The following ELMO1 variants were observed in gnomAD, a reference collection of about 807,000 sequenced individuals.
ELMO1 encodes engulfment and cell motility 1, also known as engulfment and cell motility protein 1.
Under a neutral mutation model 98.9 loss-of-function variants are expected in ELMO1, and 26 were observed. The observed-to-expected ratio is 0.26, with a 90% confidence interval of 0.19 to 0.36. ELMO1 has a LOEUF of 0.36. Among genes scored for constraint, ELMO1 ranks in the 10% least tolerant of loss-of-function variants. ELMO1 has a pLI of 1.00. For synonymous variants in ELMO1, 346 were observed against 346.0 expected (o/e 1.00, Z 0.00); for missense variants, 627 against 935.2 (o/e 0.67, Z 4.30).
At chr7:37,388,880 G>C (rs1802941542) in intron 1 of ELMO1, among the ~76,000 whole-genome samples, 1 of 152,148 alleles carries the variant, frequency 6.6e-6, no homozygotes, top group Non-Finnish European at 1.5e-5. Flanking sequence ...CAAGAGCTTT[G>C]GGAGGGATAG....
intron 16 of ELMO1, among the ~76,000 whole-genome samples, chr7:36,966,621 A>C (rs1160734898): frequency 6.6e-6 from 1 of 152,236 alleles, no homozygotes; most frequent in Non-Finnish European, 1.5e-5. Context: ...TGTTGATATT[A>C]ATATGAACTG....
In ELMO1 at chr7:37,343,755, G is replaced by A. The variant is rs564047284; in HGVS notation, c.-73-992C>T. On this transcript the variant is annotated intron_variant, in intron 1 of 21. Transcript: ENST00000310758. ...CTCCCAAAGTGCTGCGATTACAGGC[G>A]TGAGCCACCTGGCCCAGCCCCATTT... Among the ~76,000 whole-genome samples the A allele has an allele frequency of 4.9e-4, 75 of 152,198 alleles. 2 individuals are homozygous for A. In the South Asian group the frequency reaches 0.011, roughly 21 times the overall value.
chr7:36,892,742 A>G (rs575672087), intron 17 of ELMO1, among the ~76,000 whole-genome samples: 17 of 152,262 alleles, frequency 1.1e-4, no homozygotes, highest in African/African-American at 3.9e-4. Context: ...GGCTTCAGAG[A>G]CTGGGGTCAC....
chr7:37,217,313 G>C (rs114901715), intron 10 of ELMO1, among the ~76,000 whole-genome samples: 1,533 of 152,204 alleles, frequency 0.01, 29 homozygotes, highest in African/African-American at 0.035. Flanking sequence ...AGGATTCAAG[G>C]GTGATTTTAT....
intron 15 of ELMO1, among the ~76,000 whole-genome samples, chr7:37,072,726 G>A (rs1310150854): frequency 6.6e-6 from 1 of 152,166 alleles, no homozygotes. Context: ...GGAGGAGCCT[G>A]CAGTGAGGGG....
intron 15 of ELMO1, among the ~76,000 whole-genome samples, chr7:37,027,533 T>C (rs1306401942): frequency 6.6e-6 from 1 of 152,228 alleles, no homozygotes; most frequent in African/African-American, 2.4e-5. Context: ...GAATGATCCA[T>C]TGATAGTCAT....
At chr7:37,132,341 T>C (rs1786978453) in intron 14 of ELMO1, among the ~76,000 whole-genome samples, 1 of 152,214 alleles carries the variant, frequency 6.6e-6, no homozygotes, top group Non-Finnish European at 1.5e-5. Flanking sequence ...AGTCATCATT[T>C]TAACCACTCA....
At chr7:36,967,043 T>C (rs948530669) in intron 16 of ELMO1, among the ~76,000 whole-genome samples, 6 of 152,240 alleles carry the variant, frequency 3.9e-5, no homozygotes, top group Admixed American at 1.3e-4. Flanking sequence ...GCAGGTAGAA[T>C]AAAGTAGCAG....
chr7:37,330,127 TCTCA>T (rs1241176125), intron 2 of ELMO1, among the ~76,000 whole-genome samples: 2 of 152,234 alleles, frequency 1.3e-5, no homozygotes, highest in Admixed American at 6.5e-5. Context: ...CCCTGTTCTT[TCTCA>T]CTGTCAGATT....
chr7:37,119,624 T>C (rs537386690), intron 14 of ELMO1, among the ~76,000 whole-genome samples: 1 of 152,348 alleles, frequency 6.6e-6, no homozygotes, highest in Admixed American at 6.5e-5. Flanking sequence ...GTGGCTATAA[T>C]GAAACAATCT....
chr7:37,346,907 G>A (rs377435861), intron 1 of ELMO1, among the ~76,000 whole-genome samples: 1 of 152,252 alleles, frequency 6.6e-6, no homozygotes, highest in East Asian at 1.9e-4. Flanking sequence ...AAAACCTGTT[G>A]AACAGGTGAG....
intron 19 of ELMO1, among the ~76,000 whole-genome samples, chr7:36,876,307 CCTT>C (rs1463920062): frequency 6.6e-6 from 1 of 151,540 alleles, no homozygotes; most frequent in Non-Finnish European, 1.5e-5. Flanking sequence ...AAGATTAGGT[CCTT>C]CTTACTTTTT....
intron 2 of ELMO1, among the ~76,000 whole-genome samples, chr7:37,330,815 C>G (rs1439993705): frequency 6.6e-6 from 1 of 152,132 alleles, no homozygotes; most frequent in Admixed American, 6.5e-5. Flanking sequence ...GGAAGCTTCT[C>G]TTGGGTATAT....
intron 14 of ELMO1, among the ~76,000 whole-genome samples, chr7:37,110,173 C>A (rs1283784227): frequency 2.0e-5 from 3 of 152,176 alleles, no homozygotes; most frequent in Non-Finnish European, 4.4e-5. Flanking sequence ...ATGTTACATG[C>A]CAAAAAGGCT....
intron 13 of ELMO1, among the ~76,000 whole-genome samples, chr7:37,198,876 A>C (rs748041461): frequency 6.6e-6 from 1 of 152,236 alleles, no homozygotes; most frequent in Non-Finnish European, 1.5e-5. Flanking sequence ...AAAAGGGGGA[A>C]GGAGGAAGAT....
chr7:36,858,260 C>T (rs1802356069), intron 21 of ELMO1, among the ~76,000 whole-genome samples: 1 of 152,240 alleles, frequency 6.6e-6, no homozygotes, highest in South Asian at 2.1e-4. Flanking sequence ...ATTAGGATAT[C>T]AACCTTTTGC....
chr7:37,013,053 G>T (rs577433080), intron 16 of ELMO1, among the ~76,000 whole-genome samples: 1 of 152,302 alleles, frequency 6.6e-6, no homozygotes, highest in South Asian at 2.1e-4. Flanking sequence ...TCTGCTGGTG[G>T]CTCCAACTTA....
intron 1 of ELMO1, among the ~76,000 whole-genome samples, chr7:37,347,037 A>G (rs1398030224): frequency 3.9e-5 from 6 of 152,084 alleles, no homozygotes; most frequent in Non-Finnish European, 7.4e-5. Flanking sequence ...GCCCAATTAG[A>G]CCTCATCAGT....
At chr7:37,029,848 CTTAAA>C (rs903330974) in intron 15 of ELMO1, among the ~76,000 whole-genome samples, 16 of 152,196 alleles carry the variant, frequency 1.1e-4, no homozygotes, top group Admixed American at 8.5e-4. Context: ...GAATTAGAGT[CTTAAA>C]TTAATGGGTG....
Sources: allele counts gnomAD v4.1 joint callset (sites outside exome capture counted in the v4.1 genomes callset), GRCh38; gene constraint gnomAD v4.1.1; transcripts MANE v1.5; gene names NCBI Gene and HGNC (gene_info 2026-07-23, HGNC 2026-07-21).